SORCS1: variants seen among roughly 807,000 people sequenced by gnomAD.
SORCS1 encodes sortilin related VPS10 domain containing receptor 1, also known as VPS10 domain-containing receptor SorCS1.
A neutral mutation model predicts 146.1 loss-of-function variants in SORCS1; 60 were observed. The observed-to-expected ratio is 0.41, with a 90% CI of 0.33 to 0.51. The LOEUF is 0.51. Among genes scored for constraint, SORCS1 ranks in the 20% least tolerant of loss-of-function variants. The pLI, the probability that SORCS1 is intolerant of heterozygous loss-of-function variation, is 0.21. For synonymous variants in SORCS1, 637 were observed against 584.0 expected (o/e 1.09, Z -1.31); for missense variants, 1,352 against 1,487.6 (o/e 0.91, Z 1.50).
At chr10:107,103,140 C>G (rs1809330017) in intron 1 of SORCS1, among the ~76,000 whole-genome samples, 1 of 152,168 alleles carries the variant, frequency 6.6e-6, no homozygotes, top group African/African-American at 2.4e-5. Context: ...AATTATTACT[C>G]TTTGACATAG....
chr10:106,795,223 C>T (rs907806773), intron 3 of SORCS1, among the ~76,000 whole-genome samples: 2 of 152,054 alleles, frequency 1.3e-5, no homozygotes, highest in Non-Finnish European at 2.9e-5. Context: ...AAAGTGCATC[C>T]TACAGCAAGA....
chr10:106,885,253 T>A (rs1160029180), intron 2 of SORCS1, among the ~76,000 whole-genome samples: 1 of 146,532 alleles, frequency 6.8e-6, no homozygotes, highest in Non-Finnish European at 1.5e-5. Context: ...TGATTTTTTT[T>A]AGAAATATAA....
At chr10:106,579,061 A>AC (rs752745122) in intron 25 of SORCS1, 17 of 1,611,688 alleles carry the variant, frequency 1.1e-5, no homozygotes, top group Non-Finnish European at 8.5e-7. Context: ...TACTCAGCCG[A>AC]ACAGCTGGTG....
At chr10:106,831,908 T>C (rs1235659796) in intron 2 of SORCS1, among the ~76,000 whole-genome samples, 1 of 152,232 alleles carries the variant, frequency 6.6e-6, no homozygotes, top group East Asian at 1.9e-4. Context: ...AGATGTTACC[T>C]TTGTAACAAA....
chr10:107,137,545 C>T (rs972785678), intron 1 of SORCS1, among the ~76,000 whole-genome samples: 1 of 152,164 alleles, frequency 6.6e-6, no homozygotes, highest in African/African-American at 2.4e-5. Flanking sequence ...TGTCCCAAAA[C>T]TGAAAACTAC....
chr10:106,947,259 C>T (rs1318990989), intron 2 of SORCS1, among the ~76,000 whole-genome samples: 1 of 152,202 alleles, frequency 6.6e-6, no homozygotes, highest in Non-Finnish European at 1.5e-5. Context: ...ATTTACAATA[C>T]AAATGCATTC....
rs566791258 is a variant in SORCS1 at position 106,915,053 on chromosome 10, G to A, written c.626+41460C>T. ...AGTGTCAGGTTTTCATTAAGCAGGAGCACAGTGGTTGCTTATCTTCAGCTC... is the reference window on the plus strand; with the variant it reads ...AGTGTCAGGTTTTCATTAAGCAGGAACACAGTGGTTGCTTATCTTCAGCTC... On this transcript the variant is annotated intron_variant, in intron 2 of 25. Transcript: ENST00000263054. 3.9e-5 allele frequency among the ~76,000 whole-genome samples: 6 copies of A among 152,320 alleles called. No homozygotes were observed. The South Asian group carries it at 8.3e-4, about 21-fold the overall frequency.
chr10:106,611,543 C>T (rs1846988848), intron 22 of SORCS1, among the ~76,000 whole-genome samples: 1 of 152,222 alleles, frequency 6.6e-6, no homozygotes, highest in South Asian at 2.1e-4. Flanking sequence ...TGCTGAGTTC[C>T]TTCACTGGCA....
intron 18 of SORCS1, among the ~76,000 whole-genome samples, chr10:106,649,177 C>T (rs1296009356): frequency 6.6e-6 from 1 of 152,198 alleles, no homozygotes; most frequent in Non-Finnish European, 1.5e-5. Context: ...AGCCGTCTGT[C>T]CTTGCGACAA....
At chr10:106,714,454 T>C (rs1346697737) in intron 6 of SORCS1, among the ~76,000 whole-genome samples, 1 of 152,102 alleles carries the variant, frequency 6.6e-6, no homozygotes, top group African/African-American at 2.4e-5. Context: ...TTTTGAAAAA[T>C]ATACCATGGT....
chr10:107,141,336 AATT>A, intron 1 of SORCS1, among the ~76,000 whole-genome samples: 1 of 152,292 alleles, frequency 6.6e-6, no homozygotes, highest in East Asian at 1.9e-4. Flanking sequence ...AACAAATTAA[AATT>A]ATTATTGTCT....
chr10:106,932,556 T>C (rs1953474232), intron 2 of SORCS1, among the ~76,000 whole-genome samples: 1 of 152,194 alleles, frequency 6.6e-6, no homozygotes, highest in Non-Finnish European at 1.5e-5. Context: ...TATGCTTGCT[T>C]CTTGGACAAA....
intron 1 of SORCS1, among the ~76,000 whole-genome samples, chr10:107,026,571 T>C (rs1368536430): frequency 6.6e-6 from 1 of 151,416 alleles, no homozygotes; most frequent in Admixed American, 6.6e-5. Flanking sequence ...TGAGCCGAGA[T>C]TGCGCCACCA....
chr10:107,170,613 C>T, the SORCS1 span, among the ~76,000 whole-genome samples: 1 of 152,184 alleles, frequency 6.6e-6, no homozygotes, highest in African/African-American at 2.4e-5. Context: ...AAAACAAGGT[C>T]TTTGGGACCT....
intron 24 of SORCS1, among the ~76,000 whole-genome samples, chr10:106,579,999 A>G (rs544845343): frequency 6.0e-4 from 91 of 152,172 alleles, no homozygotes; most frequent in African/African-American, 1.7e-3. Flanking sequence ...CTTTTTCCAC[A>G]AAGCAAAACA....
At chr10:107,179,820 T>A in the SORCS1 span, among the ~76,000 whole-genome samples, 1 of 152,018 alleles carries the variant, frequency 6.6e-6, no homozygotes, top group Admixed American at 6.6e-5. Flanking sequence ...ACTAGTCCTT[T>A]GTCAGATATA....
At chr10:107,127,569 G>C (rs1371863065) in intron 1 of SORCS1, among the ~76,000 whole-genome samples, 1 of 152,172 alleles carries the variant, frequency 6.6e-6, no homozygotes. Flanking sequence ...TGTTCCTGAA[G>C]ATAGCAGAGG....
At chr10:106,899,465 G>A (rs570057180) in intron 2 of SORCS1, among the ~76,000 whole-genome samples, 13 of 152,188 alleles carry the variant, frequency 8.5e-5, no homozygotes, top group Non-Finnish European at 1.5e-4. Flanking sequence ...ATGTGGATAA[G>A]CTGCGGGACT....
intron 2 of SORCS1, among the ~76,000 whole-genome samples, chr10:106,898,731 G>C (rs1418512099): frequency 6.6e-6 from 1 of 152,052 alleles, no homozygotes. Flanking sequence ...ATTCCCTCTT[G>C]GGTTTTCCTT....
Sources: gnomAD v4.1 joint callset for allele counts (sites outside exome capture counted in the v4.1 genomes callset) on GRCh38, gnomAD v4.1.1 for gene constraint, MANE v1.5 for transcripts, NCBI Gene and HGNC (gene_info 2026-07-23, HGNC 2026-07-21) for gene names.